ARL17B: variants seen among roughly 807,000 people sequenced by gnomAD.
The protein encoded by ARL17B is ARF like GTPase 17B.
rs370300274 is a variant in ARL17B, at chr17:46,322,332, C to A, written c.260-22667G>T. The A allele has an allele frequency of 5.7e-5, 44 of 772,396 alleles. 11 individuals carry two copies. Among genetic ancestry groups the A allele is most frequent in the Admixed American group, 5.6e-4 (19 of 33,722 alleles). The allele number at this position is 772,396 out of a possible 1,614,324, so 47.8% of individuals were successfully genotyped here. ...TATTCCATTTTTCAGAATTCTCAAT[C>A]ACAATCCTCTGACAACTGTTGAAGA... On this transcript the variant is annotated intron_variant, in intron 3 of 4. Transcript: ENST00000434041.
At chr17:46,275,463 T>A in intron 4 of ARL17B, 1 of 783,646 alleles carries the variant, frequency 1.3e-6, no homozygotes, top group Non-Finnish European at 2.1e-6. Flanking sequence ...CTTTCATTTT[T>A]GAAAATGATG....
Position 46,324,523 on chromosome 17 carries a change from A to AT in ARL17B, c.260-24859dup, listed in dbSNP as rs1309735372. Among the ~76,000 whole-genome samples, 2 of 72,166 alleles carry AT rather than the reference A, an allele frequency of 2.8e-5. 1 individual carries two copies. The highest frequency in any genetic ancestry group is 8.2e-5 in the Non-Finnish European group (2 of 24,490). The allele number at this position is 72,166 out of a possible 152,430, so 47.3% of individuals were successfully genotyped here. Reference sequence around the variant, plus strand: ...ATGTGATGTATCTTTTTTATTTTTTATTTTTTTGTAGAAATGAGGTCTCAG... The same window carrying AT: ...ATGTGATGTATCTTTTTTATTTTTTATTTTTTTTGTAGAAATGAGGTCTCAG... On this transcript the variant is annotated intron_variant, in intron 3 of 4. Transcript: ENST00000434041.
intron 4 of ARL17B, among the ~76,000 whole-genome samples, chr17:46,281,602 A>T (rs1459732330): frequency 2.0e-5 from 3 of 152,052 alleles, no homozygotes; most frequent in Non-Finnish European, 2.9e-5. Flanking sequence ...GTTAATTTTT[A>T]AAATTTTTGT....
At chr17:46,284,486 G>C (rs1377015311) in intron 4 of ARL17B, among the ~76,000 whole-genome samples, 1 of 152,268 alleles carries the variant, frequency 6.6e-6, no homozygotes, top group Non-Finnish European at 1.5e-5. Context: ...CAAGGCAGAA[G>C]AACTTTTCTT....
At chr17:46,279,487 T>G (rs1409567819) in intron 4 of ARL17B, among the ~76,000 whole-genome samples, 6 of 147,924 alleles carry the variant, frequency 4.1e-5, no homozygotes, top group Non-Finnish European at 8.9e-5. Flanking sequence ...CCTGGCCTTT[T>G]TTTTCTTTCT....
intron 4 of ARL17B, among the ~76,000 whole-genome samples, chr17:46,275,845 T>C (rs1417799913): frequency 6.6e-6 from 1 of 152,254 alleles, no homozygotes; most frequent in Non-Finnish European, 1.5e-5. Flanking sequence ...AATCATATTT[T>C]TCTATTAAAG....
intron 4 of ARL17B, among the ~76,000 whole-genome samples, chr17:46,277,459 A>G (rs1461271888): frequency 1.3e-5 from 2 of 152,196 alleles, no homozygotes; most frequent in Non-Finnish European, 2.9e-5. Context: ...CAATTTAAAA[A>G]AGCAATTTTA....
At chr17:46,327,536 T>A (rs550653657) in intron 3 of ARL17B, among the ~76,000 whole-genome samples, 725 of 15,516 alleles carry the variant, frequency 0.047, 154 homozygotes, top group African/African-American at 0.082. Context: ...TGAGGCTGCA[T>A]TGAGGTATAA....
chr17:46,284,727 G>T (rs970164597), intron 4 of ARL17B, among the ~76,000 whole-genome samples: 9 of 152,222 alleles, frequency 5.9e-5, no homozygotes, highest in African/African-American at 1.9e-4. Flanking sequence ...TACCACAGCT[G>T]ATTAATGATG....
At chr17:46,340,242 T>A (rs2052476891) in intron 3 of ARL17B, among the ~76,000 whole-genome samples, 1 of 78,964 alleles carries the variant, frequency 1.3e-5, no homozygotes, top group African/African-American at 3.7e-5. Flanking sequence ...TAAGGTGGAG[T>A]TTTGCTCTTG....
At chr17:46,286,396 G>T (rs1000424148) in intron 4 of ARL17B, among the ~76,000 whole-genome samples, 2 of 152,240 alleles carry the variant, frequency 1.3e-5, no homozygotes, top group African/African-American at 2.4e-5. Flanking sequence ...ACTGTACCAT[G>T]TGGGAGTTCA....
chr17:46,276,790 C>CTTTTCTTTTT (rs2049598576), intron 4 of ARL17B, among the ~76,000 whole-genome samples: 1 of 134,320 alleles, frequency 7.4e-6, no homozygotes. Context: ...TTCTTTTTTT[C>CTTTTCTTTTT]TTTTTTTTTT....
chr17:46,279,028 T>G (rs75342548), intron 4 of ARL17B, among the ~76,000 whole-genome samples: 17,147 of 149,856 alleles, frequency 0.11, no homozygotes, highest in Non-Finnish European at 0.17. Context: ...GAACTCCTGA[T>G]CTCAGGTGAT....
At chr17:46,356,251 T>TA (rs1326653486) in intron 2 of ARL17B, among the ~76,000 whole-genome samples, 2 of 72,694 alleles carry the variant, frequency 2.8e-5, no homozygotes. Context: ...TATTTAAACT[T>TA]AAAGTTAAAA....
At chr17:46,288,706 C>CTTTTTTTTTTTTTTTTT (rs199591277) in intron 4 of ARL17B, among the ~76,000 whole-genome samples, 1 of 139,060 alleles carries the variant, frequency 7.2e-6, no homozygotes, top group African/African-American at 2.7e-5. Flanking sequence ...CTTGTTTTTT[C>CTTTTTTTTTTTTTTTTT]TTTTTTTTTT....
intron 4 of ARL17B, among the ~76,000 whole-genome samples, chr17:46,276,048 A>G (rs36050210): frequency 0.14 from 21,717 of 151,752 alleles, 1,896 homozygotes; most frequent in Non-Finnish European, 0.22. Flanking sequence ...CTGCCACCAC[A>G]CCCGGCTAAT....
chr17:46,279,658 T>C (rs2049705584), intron 4 of ARL17B, among the ~76,000 whole-genome samples: 1 of 151,996 alleles, frequency 6.6e-6, no homozygotes, highest in Non-Finnish European at 1.5e-5. Flanking sequence ...TCACCATGCC[T>C]GGCTAATTTT....
At chr17:46,275,543 C>T (rs1412126266) in intron 4 of ARL17B, 21 of 531,068 alleles carry the variant, frequency 4.0e-5, no homozygotes, top group South Asian at 8.2e-5. Flanking sequence ...CCTTGGCAAG[C>T]GAATAGAAAA....
chr17:46,286,595 TCAAA>T, intron 4 of ARL17B, among the ~76,000 whole-genome samples: 1 of 152,218 alleles, frequency 6.6e-6, no homozygotes, highest in Middle Eastern at 3.4e-3. Flanking sequence ...CCAATGTGTC[TCAAA>T]CATTCACTAT....
Sources: allele counts gnomAD v4.1 joint callset (sites outside exome capture counted in the v4.1 genomes callset), GRCh38; gene constraint gnomAD v4.1.1; transcripts MANE v1.5; gene names NCBI Gene and HGNC (gene_info 2026-07-23, HGNC 2026-07-21).